The following CACHD1 variants were observed in gnomAD, a reference collection of about 807,000 sequenced individuals.
CACHD1 encodes cache domain containing 1.
Under a neutral mutation model 138.7 loss-of-function variants are expected in CACHD1, and 71 were observed. The ratio of observed to expected loss-of-function variants is 0.51; its 90% CI spans 0.42 to 0.62. The LOEUF is 0.62. Among genes scored for constraint, CACHD1 ranks in the 20% least tolerant of loss-of-function variants. The pLI is 0.00. For missense variants in CACHD1, 1,389 were observed against 1,625.3 expected (o/e 0.85, Z 2.50); for synonymous variants, 578 against 591.5 (o/e 0.98, Z 0.33).
intron 4 of CACHD1, among the ~76,000 whole-genome samples, chr1:64,608,169 T>C (rs1647396998): frequency 6.6e-6 from 1 of 152,190 alleles, no homozygotes; most frequent in South Asian, 2.1e-4. Flanking sequence ...CAAGCAGATT[T>C]TGGCAATATT....
intron 12 of CACHD1, among the ~76,000 whole-genome samples, chr1:64,656,205 T>G (rs898811046): frequency 6.6e-6 from 1 of 152,192 alleles, no homozygotes; most frequent in African/African-American, 2.4e-5. Flanking sequence ...AATTAATAAA[T>G]GAAACTATTT....
chr1:64,629,088 T>C (rs918597871), intron 4 of CACHD1, among the ~76,000 whole-genome samples: 2 of 152,202 alleles, frequency 1.3e-5, no homozygotes, highest in African/African-American at 4.8e-5. Flanking sequence ...AAATGAATCA[T>C]TTGTACTGGA....
At chr1:64,491,939 TTTTTTG>T (rs1387061315) in intron 1 of CACHD1, among the ~76,000 whole-genome samples, 1 of 140,588 alleles carries the variant, frequency 7.1e-6, no homozygotes, top group African/African-American at 3.1e-5. Context: ...TGTTTGTTTG[TTTTTTG>T]TTTTTTTTTT....
intron 16 of CACHD1, among the ~76,000 whole-genome samples, chr1:64,667,983 T>C (rs917549441): frequency 6.6e-6 from 1 of 152,156 alleles, no homozygotes; most frequent in Admixed American, 6.5e-5. Context: ...ATATTTATCG[T>C]GTTGGTCCAA....
chr1:64,582,276 T>C lies in CACHD1; in HGVS notation c.382T>C (p.Cys128Arg), dbSNP rs770297484. The change falls in exon 3 of 27, where the codon TGC (cysteine) becomes CGC (arginine). Residue 128 changes from cysteine (C) to arginine (R), a missense_variant. By Grantham distance (180) the Cys-to-Arg change is radical. Transcript: ENST00000651257. Reference protein sequence around the residue: ...LTSPLTAIQDCCTIPPSMMEF... With the variant: ...LTSPLTAIQDRCTIPPSMMEF... ...CTCTCCCCTAACTGCAATTCAAGAC[T>C]GCTGTACTATCCCACCTTCCATGAT... 1.1e-5 allele frequency: 17 copies of C among 1,613,930 alleles called. No individual in the cohort carries two copies. The highest frequency in any genetic ancestry group is 1.4e-5 in the Non-Finnish European group (16 of 1,179,818).
At chr1:64,484,669 T>G (rs1646231557) in intron 1 of CACHD1, among the ~76,000 whole-genome samples, 2 of 152,254 alleles carry the variant, frequency 1.3e-5, no homozygotes, top group African/African-American at 4.8e-5. Flanking sequence ...GCAATCACTG[T>G]TCTACTTTCT....
At chr1:64,498,448 C>T (rs774866700) in intron 1 of CACHD1, among the ~76,000 whole-genome samples, 2 of 152,132 alleles carry the variant, frequency 1.3e-5, no homozygotes, top group Non-Finnish European at 2.9e-5. Context: ...TTAAAGTTTA[C>T]TGCATCTTTA....
At chr1:64,651,351 AT>A (rs931111024) in intron 9 of CACHD1, among the ~76,000 whole-genome samples, 2 of 151,950 alleles carry the variant, frequency 1.3e-5, no homozygotes, top group East Asian at 1.9e-4. Context: ...ACCTTTCTAA[AT>A]TTTTTCCCCT....
chr1:64,586,520 A>AG (rs1647052839), intron 3 of CACHD1, among the ~76,000 whole-genome samples: 1 of 152,124 alleles, frequency 6.6e-6, no homozygotes, highest in African/African-American at 2.4e-5. Context: ...TTTTAATACT[A>AG]GGGAGATTTG....
chr1:64,602,493 C>CT (rs1647228208), intron 3 of CACHD1, among the ~76,000 whole-genome samples: 1 of 77,374 alleles, frequency 1.3e-5, no homozygotes, highest in Non-Finnish European at 3.0e-5. Flanking sequence ...TTTTGTAGCT[C>CT]TATTTTGAAT....
intron 12 of CACHD1, among the ~76,000 whole-genome samples, chr1:64,655,619 T>G (rs1649237224): frequency 6.6e-6 from 1 of 152,214 alleles, no homozygotes; most frequent in South Asian, 2.1e-4. Context: ...TGGCACCCAT[T>G]TCTGCTTTCT....
At chr1:64,573,412 T>G (rs575336814) in intron 2 of CACHD1, among the ~76,000 whole-genome samples, 38 of 152,302 alleles carry the variant, frequency 2.5e-4, no homozygotes, top group Non-Finnish European at 3.8e-4. Context: ...TACAGAACTA[T>G]GAGAAATAAA....
chr1:64,523,515 G>C (rs113244494), intron 1 of CACHD1, among the ~76,000 whole-genome samples: 4 of 152,166 alleles, frequency 2.6e-5, no homozygotes, highest in African/African-American at 9.7e-5. Flanking sequence ...TGACAGACCT[G>C]TGAACAAACA....
intron 2 of CACHD1, among the ~76,000 whole-genome samples, chr1:64,578,533 GC>G (rs1224023641): frequency 2.0e-4 from 31 of 152,312 alleles, no homozygotes; most frequent in African/African-American, 7.5e-4. Flanking sequence ...AAACAAACAT[GC>G]TTACAAATTC....
At chr1:64,489,498 A>C (rs1170211137) in intron 1 of CACHD1, among the ~76,000 whole-genome samples, 1 of 152,216 alleles carries the variant, frequency 6.6e-6, no homozygotes. Flanking sequence ...ACATTCACAT[A>C]GAGGGGTTAT....
At chr1:64,524,599 T>TC (rs1432630484) in intron 1 of CACHD1, among the ~76,000 whole-genome samples, 1 of 152,232 alleles carries the variant, frequency 6.6e-6, no homozygotes, top group East Asian at 1.9e-4. Context: ...TCTACCTCAC[T>TC]GAATTTGCGA....
Position 64,620,501 on chromosome 1 carries a change from T to G in CACHD1, c.518-8854T>G, listed in dbSNP as rs139733450. On this transcript the variant is annotated intron_variant, in intron 4 of 26. Transcript: ENST00000651257. ...GGATGTTAAATAAACTAGATCTTTA[T>G]TTTAATTGATCTCTAATTCAATCAT... 2.4e-3 allele frequency among the ~76,000 whole-genome samples: 369 copies of G among 152,340 alleles called. 2 individuals carry two copies. Among genetic ancestry groups the G allele is most frequent in the African/African-American group, 7.8e-3 (325 of 41,578 alleles).
rs764193552 is a variant in CACHD1, at chr1:64,691,440, C to A, written c.3704C>A (p.Pro1235His). ...HDEDLDLDTP[P>H]QTAALLSHKF... ...GAGGACTTAGACCTGGATACCCCCC[C>A]TCAGACTGCTGCCCTACTAAGTCAC... The change falls in exon 27 of 27, where the codon CCT becomes CAT. Residue 1235 changes from proline to histidine, a missense_variant. By Grantham distance (77) the Pro-to-His change is moderately conservative. This residue lies in a region of CACHD1 where 78 missense variants were observed against 76.9 expected (regional missense o/e 1.01). Coordinates refer to ENST00000651257, the MANE Select transcript of CACHD1 (RefSeq NM_020925.4). 1.2e-6 allele frequency: 2 copies of A among 1,614,018 alleles called. No individual in the cohort carries two copies. Among genetic ancestry groups the A allele is most frequent in the Admixed American group, 3.3e-5 (2 of 59,994 alleles).
intron 7 of CACHD1, among the ~76,000 whole-genome samples, chr1:64,640,446 C>A (rs1437231961): frequency 1.3e-5 from 2 of 152,048 alleles, no homozygotes; most frequent in East Asian, 3.9e-4. Context: ...GAGGCCAAGG[C>A]GGGCAGATCA....
Sources: allele counts gnomAD v4.1 joint callset (sites outside exome capture counted in the v4.1 genomes callset), GRCh38; gene constraint gnomAD v4.1.1; regional missense constraint gnomAD v4.1.1; transcripts MANE v1.5; gene names NCBI Gene and HGNC (gene_info 2026-07-23, HGNC 2026-07-21).